The following SUDS3 variants were observed in gnomAD, a reference collection of about 807,000 sequenced individuals.
SUDS3 encodes sin3 histone deacetylase corepressor complex component SDS3.
A neutral mutation model predicts 53.5 loss-of-function variants in SUDS3; 23 were observed. The observed-to-expected ratio is 0.43, with a 90% CI of 0.31 to 0.61. The LOEUF (loss-of-function observed/expected upper bound fraction) is 0.61, where lower values mean the gene tolerates loss of function less well. Among genes scored for constraint, SUDS3 ranks in the 20% least tolerant of loss-of-function variants. The pLI is 0.10. For synonymous variants in SUDS3, 150 were observed against 148.5 expected (o/e 1.01, Z -0.08); for missense variants, 291 against 405.9 (o/e 0.72, Z 2.43).
chr12:118,413,985 A>ATC (rs1475955594), intron 11 of SUDS3, among the ~76,000 whole-genome samples: 6 of 152,220 alleles, frequency 3.9e-5, no homozygotes, highest in Non-Finnish European at 5.9e-5. Context: ...TTATGAATAG[A>ATC]TGTCTCTTGA....
At position 118,403,480 on chromosome 12, in the gene SUDS3, C is replaced by G. The variant is rs2046282363; in HGVS notation, c.766C>G (p.Arg256Gly). ...AESPAQRFEA[R>G]IEDGKLYYDK... ...ATCTCCAGCCCAGAGGTTCGAAGCT[C>G]GGATAGAAGATGGCAAACTGTACTA... Residue 256 changes from arginine (R) to glycine (G), a missense_variant, in exon 10 of 12, where the codon CGG (arginine) becomes GGG (glycine). Around this residue, in one of 4 missense-constraint regions of SUDS3, gnomAD observed 77 missense variants for 87.1 expected, o/e 0.88. Transcript: ENST00000543473. The G allele has an allele frequency of 6.2e-7, 1 of 1,613,520 alleles. No homozygotes were observed. Among genetic ancestry groups the G allele is most frequent in the Non-Finnish European group, 8.5e-7 (1 of 1,179,754 alleles).
chr12:118,384,797 A>G (rs1253230032), intron 3 of SUDS3, among the ~76,000 whole-genome samples: 1 of 150,332 alleles, frequency 6.7e-6, no homozygotes, highest in Non-Finnish European at 1.5e-5. Flanking sequence ...GTGCCACTGC[A>G]CTCCAGCATG....
chr12:118,385,584 T>C (rs1225913834), intron 3 of SUDS3, among the ~76,000 whole-genome samples: 2 of 152,264 alleles, frequency 1.3e-5, no homozygotes, highest in South Asian at 2.1e-4. Flanking sequence ...TTAGAATCTA[T>C]ACCTGAATTG....
rs1445916490 is a variant in SUDS3, at chr12:118,395,311, C to T, written c.517+4029C>T. ...CGCGATCTCGGCTCACTGCAAGCTCCGCCTCCCGGGTTCACGCCATTCTCC... is the reference window on the plus strand; with the variant it reads ...CGCGATCTCGGCTCACTGCAAGCTCTGCCTCCCGGGTTCACGCCATTCTCC... On this transcript the variant is annotated intron_variant, in intron 6 of 11. Coordinates refer to ENST00000543473, the MANE Select transcript of SUDS3 (RefSeq NM_022491.3). Among the ~76,000 whole-genome samples, 7 of 149,796 alleles carry T rather than the reference C, an allele frequency of 4.7e-5. No homozygotes were observed. In the East Asian group the frequency reaches 6.0e-4, roughly 13 times the overall value.
intron 1 of SUDS3, among the ~76,000 whole-genome samples, chr12:118,379,772 T>C (rs2046038115): frequency 6.6e-6 from 1 of 152,242 alleles, no homozygotes; most frequent in African/African-American, 2.4e-5. Context: ...CATAACTGCC[T>C]GTGCCTGAGA....
Position 118,376,591 on chromosome 12 carries a change from C to T in SUDS3, c.-101C>T. On this transcript the variant is annotated 5_prime_UTR_variant, in exon 1 of 12. Transcript: ENST00000543473. ...AGGGGTCGCCGTGGCTGCCGGTCCT[C>T]GAGTTGGGGGCTGCCGCGGACACTG... 1 of 1,245,906 alleles carries T rather than the reference C, an allele frequency of 8.0e-7. No individual in the cohort carries two copies. Among genetic ancestry groups the T allele is most frequent in the South Asian group, 3.1e-5 (1 of 32,628 alleles). 77.2% of individuals were successfully genotyped at this position (1,245,906 alleles called of 1,614,324 possible). A position where few individuals can be genotyped will look rare whatever the true frequency, so the allele number is the denominator to read the frequency against.
At position 118,414,460 on chromosome 12, in the gene SUDS3, C is replaced by G; in HGVS notation, c.*27C>G. The stretch of plus-strand genomic sequence containing the variant: ...TTTCTACAGTGCTCTTCTCTTGACC[C>G]TTTTTCTGGAGTGGGTTTTATTTTT... On this transcript the variant is annotated 3_prime_UTR_variant, in exon 12 of 12. Transcript: ENST00000543473. 1.3e-6 allele frequency: 2 copies of G among 1,506,610 alleles called. No individual in the cohort carries two copies. The highest frequency in any genetic ancestry group is 1.8e-6 in the Non-Finnish European group (2 of 1,125,370). The allele number at this position is 1,506,610 out of a possible 1,614,324, so 93.3% of individuals were successfully genotyped here.
rs200655506 is a variant in SUDS3, at chr12:118,396,897, A to AG, written c.518-3758dup. ...GTCGGAATCTGTGCTCCCTGTGGTG[A>AG]GGGGTGAGGGGGTTCCTGTATCCAT... On this transcript the variant is annotated intron_variant, in intron 6 of 11. Transcript: ENST00000543473. Among the ~76,000 whole-genome samples the AG allele has an allele frequency of 4.9e-4, 74 of 152,222 alleles. 3 individuals are homozygous for AG. In the East Asian group the frequency reaches 0.013, roughly 27 times the overall value.
chr12:118,403,348 G>C (rs2046280626), intron 9 of SUDS3, 64 bp from the exon 10 acceptor site: 7 of 1,257,946 alleles, frequency 5.6e-6, no homozygotes, highest in Non-Finnish European at 8.0e-6. Flanking sequence ...ATTAAAGCAT[G>C]TTAACTGGTA....
chr12:118,395,487 A>G (rs569090005), intron 6 of SUDS3, among the ~76,000 whole-genome samples: 1 of 151,802 alleles, frequency 6.6e-6, no homozygotes, highest in East Asian at 2.0e-4. Context: ...CAGCCTCCCA[A>G]AGTGCTGGGA....
chr12:118,389,880 A>G, intron 4 of SUDS3, 47 bp from the exon 5 acceptor site: 1 of 1,612,844 alleles, frequency 6.2e-7, no homozygotes, highest in South Asian at 1.1e-5. Context: ...CTGTCTAGAA[A>G]GGTGGCACAG....
chr12:118,381,751 T>C (rs957168550), intron 2 of SUDS3, among the ~76,000 whole-genome samples: 3 of 149,230 alleles, frequency 2.0e-5, no homozygotes, highest in Admixed American at 6.7e-5. Context: ...AACCTTCTCA[T>C]TGTCTTCAGA....
chr12:118,377,790 C>G (rs1869673475), intron 1 of SUDS3, among the ~76,000 whole-genome samples: 2 of 152,204 alleles, frequency 1.3e-5, no homozygotes, highest in African/African-American at 4.8e-5. Flanking sequence ...AAAATCGGGC[C>G]GTGGAGCAAA....
At chr12:118,379,567 T>C (rs2046035015) in intron 1 of SUDS3, among the ~76,000 whole-genome samples, 1 of 152,218 alleles carries the variant, frequency 6.6e-6, no homozygotes, top group African/African-American at 2.4e-5. Flanking sequence ...CCACGGATAC[T>C]GAGGGACAAC....
chr12:118,401,692 C>A, intron 7 of SUDS3, 67 bp from the exon 8 acceptor site: 2 of 1,250,322 alleles, frequency 1.6e-6, no homozygotes, highest in Non-Finnish European at 2.3e-6. Context: ...AATACTGGTA[C>A]CATTGTGTTG....
Position 118,417,214 on chromosome 12 carries a change from T to C in SUDS3, c.*2781T>C, listed in dbSNP as rs1046856935. Reference sequence around the variant, plus strand: ...GATGTCTGACTACCTAACTTAATTTTTGTTTTTGAACTTCTAATTGGGGCC... The same window carrying C: ...GATGTCTGACTACCTAACTTAATTTCTGTTTTTGAACTTCTAATTGGGGCC... On this transcript the variant is annotated 3_prime_UTR_variant, in exon 12 of 12. Coordinates refer to ENST00000543473, the MANE Select transcript of SUDS3 (RefSeq NM_022491.3). The C allele has an allele frequency of 6.6e-6, 1 of 152,192 alleles. No individual in the cohort carries two copies. Among genetic ancestry groups the C allele is most frequent in the Non-Finnish European group, 1.5e-5 (1 of 68,042 alleles). The allele number at this position is 152,192 out of a possible 1,614,324, so 9.4% of individuals were successfully genotyped here.
intron 6 of SUDS3, among the ~76,000 whole-genome samples, chr12:118,394,453 A>T (rs1385975896): frequency 3.3e-5 from 5 of 151,924 alleles, no homozygotes; most frequent in African/African-American, 1.2e-4. Flanking sequence ...TGTCTGTCTC[A>T]CTCCAAGCAT....
At chr12:118,391,945 G>A (rs2046171875) in intron 6 of SUDS3, among the ~76,000 whole-genome samples, 1 of 152,314 alleles carries the variant, frequency 6.6e-6, no homozygotes, top group South Asian at 2.1e-4. Flanking sequence ...TAACCTTCTA[G>A]AATTTAGTAA....
At chr12:118,386,624 G>A (rs1226722180) in intron 4 of SUDS3, among the ~76,000 whole-genome samples, 3 of 151,922 alleles carry the variant, frequency 2.0e-5, no homozygotes, top group African/African-American at 7.3e-5. Context: ...GTTTTTATAA[G>A]AATTTAGAGA....
Sources: gnomAD v4.1 joint callset for allele counts (sites outside exome capture counted in the v4.1 genomes callset) on GRCh38, gnomAD v4.1.1 for gene constraint, gnomAD v4.1.1 regional missense constraint, MANE v1.5 for transcripts, NCBI Gene and HGNC (gene_info 2026-07-23, HGNC 2026-07-21) for gene names.